The following RBFOX1 variants were observed in gnomAD, a reference collection of about 807,000 sequenced individuals.
RBFOX1 encodes RNA binding protein fox-1 homolog 1.
Under a neutral mutation model 57.7 loss-of-function variants are expected in RBFOX1, and 8 were observed. That is an observed-to-expected ratio of 0.14 (90% CI 0.08 to 0.25). The LOEUF (loss-of-function observed/expected upper bound fraction) is 0.25, where lower values mean the gene tolerates loss of function less well. Among genes scored for constraint, RBFOX1 ranks in the 10% least tolerant of loss-of-function variants. The pLI is 1.00. For synonymous variants in RBFOX1, 326 were observed against 222.4 expected (o/e 1.47, Z -4.15); for missense variants, 611 against 548.5 (o/e 1.11, Z -1.14).
intron 3 of RBFOX1, among the ~76,000 whole-genome samples, chr16:6,901,142 T>G (rs111329911): frequency 0.018 from 2,702 of 152,316 alleles, 34 homozygotes; most frequent in Non-Finnish European, 0.029. Flanking sequence ...CCTGTTAGAC[T>G]GTCTCTTTCA....
intron 4 of RBFOX1, among the ~76,000 whole-genome samples, chr16:7,395,419 AG>A (rs2098124414): frequency 6.6e-6 from 1 of 152,240 alleles, no homozygotes; most frequent in Non-Finnish European, 1.5e-5. Flanking sequence ...ATGAAACATT[AG>A]GGTATTAACT....
chr16:6,904,626 A>AAG (rs1555606664), intron 3 of RBFOX1, among the ~76,000 whole-genome samples: 3 of 149,652 alleles, frequency 2.0e-5, no homozygotes, highest in Admixed American at 6.7e-5. Flanking sequence ...AAAAAAAAAA[A>AAG]AAGAAGAAGA....
At chr16:6,073,913 C>A (rs1597024182) in intron 1 of RBFOX1, among the ~76,000 whole-genome samples, 1 of 151,992 alleles carries the variant, frequency 6.6e-6, no homozygotes, top group South Asian at 2.1e-4. Flanking sequence ...TGGCTTAAGG[C>A]ACAGCATGAT....
intron 3 of RBFOX1, among the ~76,000 whole-genome samples, chr16:6,836,673 G>A (rs1460962832): frequency 6.6e-6 from 1 of 152,056 alleles, no homozygotes; most frequent in African/African-American, 2.4e-5. Flanking sequence ...CCTTTCTTAT[G>A]CCCCTAATTT....
At position 6,793,898 on chromosome 16, in the gene RBFOX1, A is replaced by G. The variant is rs183027654; in HGVS notation, c.-16+139248A>G. Among the ~76,000 whole-genome samples, 31 of 152,274 alleles carry G rather than the reference A, an allele frequency of 2.0e-4. No homozygotes were observed. The East Asian group carries it at 5.2e-3, about 26-fold the overall frequency. ...TTTTTAAAAAGGTTATGAAACATCT[A>G]TCTCCCTCTTGAGCAGTAGTCCAGG... is the stretch of plus-strand genomic sequence containing the variant. On this transcript the variant is annotated intron_variant, in intron 3 of 15. Transcript: ENST00000550418.
At chr16:7,123,066 A>G (rs983435759) in intron 4 of RBFOX1, among the ~76,000 whole-genome samples, 1 of 152,130 alleles carries the variant, frequency 6.6e-6, no homozygotes, top group African/African-American at 2.4e-5. Flanking sequence ...GGTAGTTGCA[A>G]ATGAATAGCA....
intron 3 of RBFOX1, among the ~76,000 whole-genome samples, chr16:6,954,712 C>A (rs1052796779): frequency 7.9e-5 from 12 of 152,038 alleles, no homozygotes; most frequent in Non-Finnish European, 1.8e-4. Flanking sequence ...CCAAGTCTAG[C>A]CATAGGTGAG....
intron 3 of RBFOX1, among the ~76,000 whole-genome samples, chr16:5,771,025 G>C (rs140505972): frequency 6.6e-6 from 1 of 152,274 alleles, no homozygotes; most frequent in Non-Finnish European, 1.5e-5. Context: ...TGGCATCATG[G>C]AGTCTCCTGG....
intron 4 of RBFOX1, among the ~76,000 whole-genome samples, chr16:7,093,352 C>G (rs979323259): frequency 2.6e-5 from 4 of 152,208 alleles, no homozygotes; most frequent in Admixed American, 2.6e-4. Context: ...GTTCAGAGCC[C>G]TGAATGTTCT....
intron 4 of RBFOX1, among the ~76,000 whole-genome samples, chr16:7,226,627 C>G (rs1194890748): frequency 6.6e-6 from 1 of 152,202 alleles, no homozygotes; most frequent in African/African-American, 2.4e-5. Flanking sequence ...TCAGAGTTAA[C>G]AAGTTTTATA....
At chr16:6,085,650 T>TTGTGTGTGTGTGTGTG (rs71142678) in intron 1 of RBFOX1, among the ~76,000 whole-genome samples, 7 of 150,488 alleles carry the variant, frequency 4.7e-5, no homozygotes, top group African/African-American at 1.7e-4. Flanking sequence ...CAGTGTGTGT[T>TTGTGTGTGTGTGTGTG]TGTGTGTGTG....
At chr16:5,489,207 A>C (rs767886059) in intron 2 of RBFOX1, among the ~76,000 whole-genome samples, 4 of 152,336 alleles carry the variant, frequency 2.6e-5, no homozygotes, top group East Asian at 3.9e-4. Flanking sequence ...GCTTTTTACA[A>C]GTTTCTTTCC....
At chr16:7,076,029 C>G (rs1356414072) in intron 4 of RBFOX1, among the ~76,000 whole-genome samples, 2 of 151,390 alleles carry the variant, frequency 1.3e-5, no homozygotes, top group African/African-American at 4.9e-5. Flanking sequence ...TTTATCCTCA[C>G]ACTTGGGCTT....
At chr16:5,737,671 C>A (rs1034491448) in intron 3 of RBFOX1, among the ~76,000 whole-genome samples, 1 of 152,004 alleles carries the variant, frequency 6.6e-6, no homozygotes, top group African/African-American at 2.4e-5. Flanking sequence ...TTCCTTTGCA[C>A]TGTCTCCGTA....
rs191290142 is a variant in RBFOX1, at chr16:5,977,916, C to T, written c.351+110581C>T. Among the ~76,000 whole-genome samples, 19 of 151,904 alleles carry T rather than the reference C, an allele frequency of 1.3e-4. No homozygotes were observed. In the East Asian group the frequency reaches 3.5e-3, roughly 28 times the overall value. On this transcript the variant is annotated intron_variant, in intron 4 of 19. Transcript: ENST00000641259. ...GTTTTTTTGACTGTTCCTTTATTCC[C>T]TGCTAAAATCGATATTCCATGATAT...
At chr16:5,434,705 C>G (rs186503962) in intron 1 of RBFOX1, among the ~76,000 whole-genome samples, 30 of 152,304 alleles carry the variant, frequency 2.0e-4, no homozygotes, top group African/African-American at 7.0e-4. Context: ...CATCTCTTGA[C>G]TCTGTCATGA....
intron 4 of RBFOX1, among the ~76,000 whole-genome samples, chr16:7,385,547 G>A (rs2097860955): frequency 6.6e-6 from 1 of 152,164 alleles, no homozygotes; most frequent in Non-Finnish European, 1.5e-5. Context: ...GCTTGCAGAA[G>A]TTCTAGCAGA....
rs183123656 is a variant in RBFOX1 at position 6,100,185 on chromosome 16, C to A, written c.-127+80193C>A. Among the ~76,000 whole-genome samples the A allele has an allele frequency of 4.3e-3, 655 of 151,704 alleles. 11 individuals are homozygous for A. The highest frequency in any genetic ancestry group is 5.0e-3 in the Non-Finnish European group (338 of 67,968). On this transcript the variant is annotated intron_variant, in intron 1 of 15. Transcript: ENST00000550418. ...TTTTTGTTGTTGTTGTTTTTTGAGA[C>A]GGAGTCTTGCTCTGTCACCCAGGCT... is the stretch of plus-strand genomic sequence containing the variant.
intron 1 of RBFOX1, among the ~76,000 whole-genome samples, chr16:5,258,772 C>T (rs187635444): frequency 1.1e-4 from 16 of 152,172 alleles, no homozygotes; most frequent in African/African-American, 3.6e-4. Context: ...AAAAATTAGC[C>T]GGGCATGGTG....
Sources: gnomAD v4.1 joint callset for allele counts (sites outside exome capture counted in the v4.1 genomes callset) on GRCh38, gnomAD v4.1.1 for gene constraint, MANE v1.5 for transcripts, NCBI Gene and HGNC (gene_info 2026-07-23, HGNC 2026-07-21) for gene names.